Variants in CHD2 observed in about 807,000 individuals in gnomAD.
CHD2 encodes chromodomain helicase DNA binding protein 2.
A neutral mutation model predicts 243.9 loss-of-function variants in CHD2; 28 were observed. That is an observed-to-expected ratio of 0.11 (90% CI 0.09 to 0.16). The LOEUF is 0.16. Among genes scored for constraint, CHD2 ranks in the 10% least tolerant of loss-of-function variants. The pLI, the probability that CHD2 is intolerant of heterozygous loss-of-function variation, is 1.00. For missense variants in CHD2, 1,386 were observed against 2,209.8 expected (o/e 0.63, Z 7.47); for synonymous variants, 775 against 779.0 (o/e 0.99, Z 0.09).
intron 2 of CHD2, among the ~76,000 whole-genome samples, chr15:92,918,099 T>G (rs1485797562): frequency 6.6e-6 from 1 of 152,188 alleles, no homozygotes; most frequent in Non-Finnish European, 1.5e-5. Context: ...TCCTTTTAAG[T>G]GGAATGTTGC....
intron 26 of CHD2, among the ~76,000 whole-genome samples, chr15:92,989,284 G>A (rs979069459): frequency 3.9e-5 from 6 of 151,936 alleles, no homozygotes; most frequent in African/African-American, 7.3e-5. Context: ...CACCCGCCTC[G>A]GCCTCCCAAA....
At chr15:92,901,969 A>T (rs945558815) in intron 2 of CHD2, 11 of 377,088 alleles carry the variant, frequency 2.9e-5, no homozygotes, top group Non-Finnish European at 4.7e-5. Context: ...CAAATCTGTA[A>T]TAACAGAAAT....
chr15:92,949,358 G>A, intron 13 of CHD2: 2 of 555,634 alleles, frequency 3.6e-6, no homozygotes, highest in Non-Finnish European at 5.2e-6. Flanking sequence ...TGTTACTCAT[G>A]AGTGTATATA....
At chr15:93,002,452 C>T (rs1365884655) in intron 33 of CHD2, 135 bp downstream of exon 33, 4 of 1,368,870 alleles carry the variant, frequency 2.9e-6, no homozygotes, top group Admixed American at 5.5e-5. Context: ...ATGGGTGGGG[C>T]CGTTGATGGG....
intron 7 of CHD2, 112 bp downstream of exon 7, chr15:92,939,830 A>G (rs1016266273): frequency 2.5e-5 from 29 of 1,163,994 alleles, no homozygotes; most frequent in African/African-American, 1.7e-4. Flanking sequence ...ATAACAGCCT[A>G]TGTCCTGAAG....
At chr15:92,977,999 T>G (rs1315933664) in intron 20 of CHD2, 1 of 474,458 alleles carries the variant, frequency 2.1e-6, no homozygotes, top group Admixed American at 3.5e-5. Context: ...CTCACTCCCA[T>G]TGCCTTATTA....
chr15:92,981,485 C>T (rs773767204), intron 24 of CHD2, 28 bp downstream of exon 24: 2 of 1,543,886 alleles, frequency 1.3e-6, no homozygotes, highest in South Asian at 2.3e-5. Context: ...GGAGAGAGTT[C>T]TCAGCATTGA....
At chr15:92,957,328 A>G (rs373121209) in intron 16 of CHD2, among the ~76,000 whole-genome samples, 3 of 152,188 alleles carry the variant, frequency 2.0e-5, no homozygotes, top group Admixed American at 6.5e-5. Flanking sequence ...GACTAGAATT[A>G]TATTTCTTCT....
Position 93,024,604 on chromosome 15 carries a change from C to T in CHD2, c.5386C>T (p.Pro1796Ser). ...TCGCTCACCCCCTTCTCAGAAATCT[C>T]CTCACGATTCCAAGTCACCCCTGGA... ...DPRSPPSQKS[P>S]HDSKSPLDHR... is the part of the protein sequence containing the mutation. The change falls in exon 39 of 39, where the codon CCT becomes TCT. Residue 1796 changes from proline to serine, a missense_variant. Pro to Ser is a moderately conservative substitution (Grantham distance 74). Around this residue, in one of 19 missense-constraint regions of CHD2, gnomAD observed 347 missense variants for 341.6 expected, o/e 1.02. Transcript: ENST00000394196. 1 of 1,614,176 alleles carries T rather than the reference C, an allele frequency of 6.2e-7. No individual in the cohort carries two copies. Among genetic ancestry groups the T allele is most frequent in the Non-Finnish European group, 8.5e-7 (1 of 1,179,990 alleles).
At chr15:92,939,363 T>A (rs1440062403) in intron 6 of CHD2, among the ~76,000 whole-genome samples, 4 of 152,208 alleles carry the variant, frequency 2.6e-5, no homozygotes, top group Non-Finnish European at 5.9e-5. Flanking sequence ...TGATTGAGGA[T>A]TATCAGCATT....
At chr15:92,993,147 A>C in intron 28 of CHD2, 149 bp downstream of exon 28, 1 of 729,532 alleles carries the variant, frequency 1.4e-6, no homozygotes, top group Non-Finnish European at 2.2e-6. Flanking sequence ...CTGTGAGCTT[A>C]ATATTCTACT....
chr15:92,976,483 G>A (rs545642281), intron 20 of CHD2, among the ~76,000 whole-genome samples: 2 of 151,542 alleles, frequency 1.3e-5, no homozygotes, highest in African/African-American at 4.8e-5. Context: ...TACCTAATTC[G>A]GATCATGTTG....
chr15:92,946,449 GAA>G (rs2053469585), intron 12 of CHD2: 1 of 348,158 alleles, frequency 2.9e-6, no homozygotes, highest in Non-Finnish European at 5.1e-6. Context: ...ATATTTGAGA[GAA>G]TACTTGAAAG....
chr15:92,955,583 G>A (rs926796228), intron 15 of CHD2, 71 bp downstream of exon 15: 10 of 896,860 alleles, frequency 1.1e-5, no homozygotes, highest in Non-Finnish European at 1.7e-5. Flanking sequence ...GTCTGTTACT[G>A]TTCTGTGGAG....
At chr15:92,904,310 G>C (rs972156438) in intron 2 of CHD2, 15 of 313,840 alleles carry the variant, frequency 4.8e-5, no homozygotes, top group Non-Finnish European at 7.0e-5. Flanking sequence ...GCCGGCGCGG[G>C]GTGCTGATTG....
intron 17 of CHD2, among the ~76,000 whole-genome samples, chr15:92,971,022 T>C (rs1275179189): frequency 6.6e-6 from 1 of 152,234 alleles, no homozygotes; most frequent in Non-Finnish European, 1.5e-5. Flanking sequence ...AAATACTCTT[T>C]TACAATGTTA....
chr15:92,913,710 G>T (rs2141721130), intron 2 of CHD2, among the ~76,000 whole-genome samples: 1 of 152,220 alleles, frequency 6.6e-6, no homozygotes, highest in Non-Finnish European at 1.5e-5. Flanking sequence ...AAATTAGCCG[G>T]GTGTGGCAGT....
intron 2 of CHD2, among the ~76,000 whole-genome samples, chr15:92,908,350 T>G (rs1030015843): frequency 3.3e-5 from 5 of 152,360 alleles, no homozygotes; most frequent in South Asian, 2.1e-4. Flanking sequence ...TGTCTTAGCA[T>G]AATGCCGAAC....
intron 16 of CHD2, among the ~76,000 whole-genome samples, chr15:92,961,652 T>A (rs1596410896): frequency 6.6e-6 from 1 of 152,164 alleles, no homozygotes; most frequent in East Asian, 1.9e-4. Context: ...GCTCAAGTGA[T>A]CCTCCCGCCT....
Sources: gnomAD v4.1 joint callset for allele counts (sites outside exome capture counted in the v4.1 genomes callset) on GRCh38, gnomAD v4.1.1 for gene constraint, gnomAD v4.1.1 regional missense constraint, MANE v1.5 for transcripts, NCBI Gene and HGNC (gene_info 2026-07-23, HGNC 2026-07-21) for gene names.